COL4A3: variants seen among roughly 807,000 people sequenced by gnomAD.
COL4A3 encodes the protein collagen alpha-3(IV) chain.
A neutral mutation model predicts 217.4 loss-of-function variants in COL4A3; 135 were observed. The ratio of observed to expected loss-of-function variants is 0.62; its 90% CI spans 0.54 to 0.72. The LOEUF is 0.72. Among genes scored for constraint, COL4A3 ranks in the 30% least tolerant of loss-of-function variants. COL4A3 has a pLI of 0.00. For synonymous variants in COL4A3, 690 were observed against 736.3 expected (o/e 0.94, Z 1.02); for missense variants, 1,868 against 2,119.9 (o/e 0.88, Z 2.33).
intron 3 of COL4A3, 45 bp from the exon 4 acceptor site, chr2:227,244,275 A>C (rs2125904094): frequency 6.3e-7 from 1 of 1,587,506 alleles, no homozygotes; most frequent in East Asian, 2.2e-5. Context: ...TTAGTGCCAA[A>C]TAATTTTCAG....
chr2:227,168,361 T>C lies in COL4A3; in HGVS notation c.87+3548T>C, dbSNP rs551842207. 3.3e-5 allele frequency among the ~76,000 whole-genome samples: 5 copies of C among 152,362 alleles called. 1 individual carries two copies. In the South Asian group the frequency reaches 1.0e-3, roughly 32 times the overall value. On this transcript the variant is annotated intron_variant, in intron 1 of 51. Transcript: ENST00000396578. ...TTGGTGTGCTTAGATGTTAATGGTG[T>C]GAAATGAGATCTTGTTTTGACCAGT...
At chr2:227,246,432 C>G (rs549446923) in intron 6 of COL4A3, among the ~76,000 whole-genome samples, 4 of 152,286 alleles carry the variant, frequency 2.6e-5, no homozygotes, top group Non-Finnish European at 4.4e-5. Flanking sequence ...TTGAAGGAAA[C>G]AGCAATTAAA....
At chr2:227,189,816 C>T (rs1223908397) in intron 1 of COL4A3, among the ~76,000 whole-genome samples, 1 of 152,154 alleles carries the variant, frequency 6.6e-6, no homozygotes, top group Non-Finnish European at 1.5e-5. Context: ...ACCAGGTTTC[C>T]TTCACCCCTT....
At chr2:227,270,006 T>C in intron 24 of COL4A3, 26 bp downstream of exon 24, 1 of 1,594,548 alleles carries the variant, frequency 6.3e-7, no homozygotes, top group African/African-American at 1.3e-5. Context: ...TTTAAATCTT[T>C]AGCTTCAATT....
rs1013676365 is a variant in COL4A3, at chr2:227,201,723, G to C, written c.88-36245G>C. ...AAACAGAAAGGATTCTGAATGGAAC[G>C]AGAGATTTAAAACCATCTATGGGAC... is the stretch of plus-strand genomic sequence containing the variant. On this transcript the variant is annotated intron_variant, in intron 1 of 51. Transcript: ENST00000396578. Among the ~76,000 whole-genome samples, 72 of 152,288 alleles carry C rather than the reference G, an allele frequency of 4.7e-4. 1 individual carries two copies. The highest frequency in any genetic ancestry group is 1.7e-3 in the African/African-American group (71 of 41,562).
At chr2:227,200,520 ATAGTTGCCC>A (rs1212142493) in intron 1 of COL4A3, among the ~76,000 whole-genome samples, 1 of 152,228 alleles carries the variant, frequency 6.6e-6, no homozygotes, top group Non-Finnish European at 1.5e-5. Flanking sequence ...TATAGATGTA[ATAGTTGCCC>A]TATTTTAGAA....
intron 1 of COL4A3, among the ~76,000 whole-genome samples, chr2:227,170,919 T>C (rs1158618993): frequency 6.6e-6 from 1 of 152,236 alleles, no homozygotes; most frequent in African/African-American, 2.4e-5. Flanking sequence ...TCATACATTC[T>C]TTAGTCAGTC....
At chr2:227,263,166 T>C (rs1464519563) in intron 20 of COL4A3, among the ~76,000 whole-genome samples, 2 of 152,234 alleles carry the variant, frequency 1.3e-5, no homozygotes, top group Non-Finnish European at 2.9e-5. Flanking sequence ...TAATAGGACA[T>C]AATCAGATAT....
chr2:227,223,930 T>A (rs1014031686), intron 1 of COL4A3, among the ~76,000 whole-genome samples: 15 of 152,148 alleles, frequency 9.9e-5, no homozygotes, highest in Non-Finnish European at 4.4e-5. Flanking sequence ...CAGGAATGAA[T>A]TCAGCTCTAA....
intron 1 of COL4A3, among the ~76,000 whole-genome samples, chr2:227,180,504 C>T (rs770011600): frequency 1.3e-5 from 2 of 152,202 alleles, no homozygotes; most frequent in Non-Finnish European, 2.9e-5. Flanking sequence ...CCTACAAGGG[C>T]AGTCATGCAG....
chr2:227,276,560 A>T, intron 27 of COL4A3, 83 bp downstream of exon 27: 1 of 1,050,014 alleles, frequency 9.5e-7, no homozygotes, highest in Non-Finnish European at 1.5e-6. Flanking sequence ...TGTCCCCATT[A>T]TAAGGAAAAA....
At chr2:227,185,621 T>A (rs1371609295) in intron 1 of COL4A3, among the ~76,000 whole-genome samples, 1 of 152,206 alleles carries the variant, frequency 6.6e-6, no homozygotes, top group Non-Finnish European at 1.5e-5. Context: ...CCCATCACCA[T>A]GTAGCTATTT....
intron 1 of COL4A3, among the ~76,000 whole-genome samples, chr2:227,216,220 T>C (rs147211211): frequency 6.6e-6 from 1 of 152,298 alleles, no homozygotes. Flanking sequence ...AGAAGGTAAA[T>C]TTGGCAAGGT....
At chr2:227,311,719 A>G (rs2073748307) in intron 51 of COL4A3, 67 bp from the exon 52 acceptor site, 10 of 1,513,938 alleles carry the variant, frequency 6.6e-6, no homozygotes, top group Non-Finnish European at 7.3e-6. Context: ...CATTAATAAA[A>G]CAAACTCAGC....
At chr2:227,172,448 G>C (rs2065514856) in intron 1 of COL4A3, among the ~76,000 whole-genome samples, 1 of 152,046 alleles carries the variant, frequency 6.6e-6, no homozygotes, top group Non-Finnish European at 1.5e-5. Flanking sequence ...AGTTCGGCGG[G>C]GGTGGTTGGG....
intron 18 of COL4A3, 122 bp from the exon 19 acceptor site, chr2:227,259,671 A>C: frequency 1.3e-6 from 1 of 742,818 alleles, no homozygotes; most frequent in Non-Finnish European, 2.4e-6. Context: ...ATGTAAACCT[A>C]TGAATTCAGG....
chr2:227,190,941 A>G (rs555946637), intron 1 of COL4A3, among the ~76,000 whole-genome samples: 1 of 152,196 alleles, frequency 6.6e-6, no homozygotes, highest in Non-Finnish European at 1.5e-5. Context: ...AGTTAAAAGG[A>G]AAAAAGCAAA....
chr2:227,300,526 C>T (rs2073233762), intron 43 of COL4A3, among the ~76,000 whole-genome samples: 1 of 152,190 alleles, frequency 6.6e-6, no homozygotes, highest in Admixed American at 6.5e-5. Context: ...TTTCTCTTAG[C>T]AGCGTATTAG....
intron 42 of COL4A3, among the ~76,000 whole-genome samples, chr2:227,298,215 G>A (rs890287156): frequency 3.9e-5 from 6 of 152,168 alleles, no homozygotes; most frequent in Non-Finnish European, 7.3e-5. Context: ...AGTCTTGCTT[G>A]GTGGTGCATG....
Sources: gnomAD v4.1 joint callset for allele counts (sites outside exome capture counted in the v4.1 genomes callset) on GRCh38, gnomAD v4.1.1 for gene constraint, MANE v1.5 for transcripts, NCBI Gene and HGNC (gene_info 2026-07-23, HGNC 2026-07-21) for gene names.